NR3C1: variants seen among roughly 807,000 people sequenced by gnomAD.
The protein encoded by NR3C1 is glucocorticoid receptor.
Under a neutral mutation model 74.0 loss-of-function variants are expected in NR3C1, and 14 were observed. The observed-to-expected ratio is 0.19, with a 90% CI of 0.12 to 0.30. The LOEUF (loss-of-function observed/expected upper bound fraction) is 0.30, where lower values mean the gene tolerates loss of function less well. Among genes scored for constraint, NR3C1 ranks in the 10% least tolerant of loss-of-function variants. The pLI is 1.00. For synonymous variants in NR3C1, 308 were observed against 332.5 expected, an observed-to-expected ratio of 0.93 and a Z score of 0.80; for missense variants, 695 against 909.8, an observed-to-expected ratio of 0.76 and a Z score of 3.04.
At position 143,314,216 on chromosome 5, in the gene NR3C1, T is replaced by C. The variant is rs1224289817; in HGVS notation, c.1185-48A>G. ...TTATGATTTAACTGTCAAAGGAATA[T>C]CAAAATACAGTTCTCTTAGCTTCTC... On this transcript the variant is annotated intron_variant, in intron 2 of 8. Transcript: ENST00000394464. 9 of 1,590,130 alleles carry C rather than the reference T, an allele frequency of 5.7e-6. No individual in the cohort carries two copies. The Admixed American group carries it at 1.0e-4, about 18-fold the overall frequency.
intron 2 of NR3C1, among the ~76,000 whole-genome samples, chr5:143,331,436 A>AT (rs1168335343): frequency 6.6e-6 from 1 of 152,212 alleles, no homozygotes; most frequent in Non-Finnish European, 1.5e-5. Context: ...CACTGGGTAT[A>AT]TACCCAGAGG....
intron 1 of NR3C1, chr5:143,401,400 C>T (rs1840257018): frequency 6.0e-6 from 1 of 166,498 alleles, no homozygotes; most frequent in Non-Finnish European, 1.3e-5. Flanking sequence ...TTGAGTACAA[C>T]CAACTGGTGA....
intron 4 of NR3C1, among the ~76,000 whole-genome samples, chr5:143,306,874 A>ATTTTTTTTTTT (rs70991802): frequency 1.7e-4 from 14 of 82,904 alleles, no homozygotes; most frequent in African/African-American, 5.6e-4. Flanking sequence ...GTATGCTTAA[A>ATTTTTTTTTTT]TTTTTTTTTT....
exon 1 of NR3C1, chr5:143,435,333 T>G: frequency 1.0e-6 from 1 of 985,470 alleles, no homozygotes. Flanking sequence ...TATCAGAAGA[T>G]CTAAGTTTTC....
rs1358930520 is a variant in NR3C1 at position 143,300,118 on chromosome 5, C to G, written c.1747+367G>C. Among the ~76,000 whole-genome samples, 1 of 152,176 alleles carries G rather than the reference C, an allele frequency of 6.6e-6. No individual in the cohort carries two copies. The highest frequency in any genetic ancestry group is 6.5e-5 in the Admixed American group (1 of 15,278). ...ACATACTTGATGTTTACCAATCTTACAAACAACCTGATTTTTAAAAGTGGC... is the reference window on the plus strand; with the variant it reads ...ACATACTTGATGTTTACCAATCTTAGAAACAACCTGATTTTTAAAAGTGGC... On this transcript the variant is annotated intron_variant, in intron 5 of 8. Transcript: ENST00000394464. This position sits in a 1 kb window ranked among gnomAD's most constrained non-coding sequence, Gnocchi z 5.2.
At chr5:143,348,771 T>C (rs1829738832) in intron 2 of NR3C1, among the ~76,000 whole-genome samples, 1 of 152,120 alleles carries the variant, frequency 6.6e-6, no homozygotes, top group African/African-American at 2.4e-5. Flanking sequence ...TCAATGTTAA[T>C]GAATCAACAA....
At chr5:143,431,156 C>T (rs1023108447) in intron 1 of NR3C1, among the ~76,000 whole-genome samples, 3 of 152,016 alleles carry the variant, frequency 2.0e-5, no homozygotes, top group Admixed American at 1.3e-4. Context: ...ACCAGGGTTC[C>T]GGGACTGGGT....
chr5:143,333,774 A>T (rs1331957054), intron 2 of NR3C1, among the ~76,000 whole-genome samples: 1 of 146,946 alleles, frequency 6.8e-6, no homozygotes, highest in African/African-American at 2.6e-5. Context: ...CTCAAAAAAC[A>T]AACAAACAAA....
At chr5:143,424,473 T>C (rs1231057883) in intron 1 of NR3C1, among the ~76,000 whole-genome samples, 3 of 152,134 alleles carry the variant, frequency 2.0e-5, no homozygotes, top group Non-Finnish European at 4.4e-5. Context: ...AAATGTCACA[T>C]GTACCCTTTA....
Position 143,282,740 on chromosome 5 carries a change from T to A in NR3C1, c.2024-15A>T. 1.2e-6 allele frequency: 2 copies of A among 1,612,456 alleles called. No individual in the cohort carries two copies. Among genetic ancestry groups the A allele is most frequent in the Non-Finnish European group, 1.7e-6 (2 of 1,179,460 alleles). The stretch of plus-strand genomic sequence containing the variant: ...GTCCTTAGGAACTAAAAGGTTAAGA[T>A]GAAGTCAGTTAAAGGATTTTCTTTT... On this transcript the variant is annotated splice_polypyrimidine_tract_variant and intron_variant, in intron 7 of 8. Coordinates refer to ENST00000394464, the MANE Select transcript of NR3C1 (RefSeq NM_000176.3).
intron 2 of NR3C1, among the ~76,000 whole-genome samples, chr5:143,393,025 T>G (rs72801088): frequency 6.6e-6 from 1 of 152,128 alleles, no homozygotes; most frequent in African/African-American, 2.4e-5. Flanking sequence ...TCGAAAAAAT[T>G]AGGGGGTAGA....
chr5:143,369,432 T>C (rs141488728), intron 2 of NR3C1, among the ~76,000 whole-genome samples: 8 of 152,278 alleles, frequency 5.3e-5, no homozygotes, highest in South Asian at 2.1e-4. Flanking sequence ...AGCCAAAGAA[T>C]GGACACAACC....
Position 143,295,605 on chromosome 5 carries a change from T to C in NR3C1, c.1893-15A>G, listed in dbSNP as rs1268380438. On this transcript the variant is annotated splice_polypyrimidine_tract_variant and intron_variant, in intron 6 of 8. Coordinates refer to ENST00000394464, the MANE Select transcript of NR3C1 (RefSeq NM_000176.3). ...TCATTCTCTGCCTGTGAAAGATAAA[T>C]AGCAGGGTATTAGTTAGAAATACTG... 6 of 1,604,082 alleles carry C rather than the reference T, an allele frequency of 3.7e-6. No homozygotes were observed. Among genetic ancestry groups the C allele is most frequent in the Admixed American group, 3.3e-5 (2 of 59,948 alleles).
intron 2 of NR3C1, among the ~76,000 whole-genome samples, chr5:143,337,083 A>G (rs1335154115): frequency 6.6e-6 from 1 of 152,198 alleles, no homozygotes; most frequent in Non-Finnish European, 1.5e-5. Context: ...TGACAAAATG[A>G]TAAAGAATTA....
chr5:143,333,126 C>T lies in NR3C1; in HGVS notation c.1185-18958G>A, dbSNP rs915318194. 3.8e-6 allele frequency: 6 copies of T among 1,591,668 alleles called. No homozygotes were observed. In the African/African-American group the frequency reaches 6.7e-5, roughly 18 times the overall value. On this transcript the variant is annotated intron_variant, in intron 2 of 8. Transcript: ENST00000394464. ...GATCTCATGGTTCTTGCGCCCTTTC[C>T]ACCTCTCAGTGGCCCATCATGCTAC...
At chr5:143,356,766 T>C (rs1167131542) in intron 2 of NR3C1, among the ~76,000 whole-genome samples, 1 of 152,184 alleles carries the variant, frequency 6.6e-6, no homozygotes, top group African/African-American at 2.4e-5. Flanking sequence ...AACATATACT[T>C]TTTGCTGAAA....
chr5:143,344,938 G>C (rs1259304477), intron 2 of NR3C1, among the ~76,000 whole-genome samples: 1 of 152,090 alleles, frequency 6.6e-6, no homozygotes, highest in Non-Finnish European at 1.5e-5. Context: ...TCTGTCCAGG[G>C]CCACTGTCTG....
intron 7 of NR3C1, among the ~76,000 whole-genome samples, chr5:143,285,799 A>AAAGAAAGGTCTCAATTAATTATATATGCT (rs1393652259): frequency 6.6e-6 from 1 of 152,094 alleles, no homozygotes; most frequent in Non-Finnish European, 1.5e-5. Context: ...TTTGATTAGA[A>AAAGAAAGGTCTCAATTAATTATATATGCT]AAGAAAGGTC....
At chr5:143,413,592 C>T (rs1841376026) in intron 1 of NR3C1, among the ~76,000 whole-genome samples, 1 of 152,156 alleles carries the variant, frequency 6.6e-6, no homozygotes, top group African/African-American at 2.4e-5. Context: ...ATCTCCACCT[C>T]TCCACCTGGT....
Sources: allele counts gnomAD v4.1 joint callset (sites outside exome capture counted in the v4.1 genomes callset), GRCh38; gene constraint gnomAD v4.1.1; non-coding constraint Gnocchi (gnomAD v3.1); transcripts MANE v1.5; gene names NCBI Gene and HGNC (gene_info 2026-07-23, HGNC 2026-07-21).